The following TSPAN7 variants were observed in gnomAD, a reference collection of about 807,000 sequenced individuals.
TSPAN7 encodes tetraspanin 7.
A neutral mutation model predicts 17.6 loss-of-function variants in TSPAN7; 1 was observed. That is an observed-to-expected ratio of 0.06 (90% CI 0.02 to 0.27). The LOEUF (loss-of-function observed/expected upper bound fraction) is 0.27. TSPAN7 is among the 10% of genes least tolerant of loss of function. The pLI is 1.00. For synonymous variants in TSPAN7, 78 were observed against 79.0 expected, an observed-to-expected ratio of 0.99 and a Z score of 0.07; for missense variants, 112 against 201.7, an observed-to-expected ratio of 0.56 and a Z score of 2.69.
chrX:38,589,075 T>A (rs960233278), intron 1 of TSPAN7, among the ~76,000 whole-genome samples: 3 of 111,879 alleles, frequency 2.7e-5, no homozygotes, highest in African/African-American at 9.8e-5. Flanking sequence ...CAGGTTAGCA[T>A]TAGAAGGATG....
chrX:38,636,560 C>T (rs2069580704), intron 1 of TSPAN7, among the ~76,000 whole-genome samples: 1 of 111,907 alleles, frequency 8.9e-6, no homozygotes, highest in African/African-American at 3.2e-5. Context: ...AAGACAACAC[C>T]AGCAGTAGAG....
At chrX:38,609,209 T>C (rs981180848) in intron 1 of TSPAN7, among the ~76,000 whole-genome samples, 2 of 111,969 alleles carry the variant, frequency 1.8e-5, no homozygotes, top group Non-Finnish European at 3.8e-5. Flanking sequence ...TTAGAGAATT[T>C]AAGTGTTGGT....
intron 6 of TSPAN7, among the ~76,000 whole-genome samples, chrX:38,682,452 G>A (rs746221602): frequency 9.8e-5 from 11 of 112,151 alleles, no homozygotes; most frequent in Admixed American, 3.8e-4. Flanking sequence ...TGTAACCCTC[G>A]CTAAGATTAA....
At chrX:38,670,932 G>T (rs778261738) in intron 2 of TSPAN7, among the ~76,000 whole-genome samples, 2 of 112,294 alleles carry the variant, frequency 1.8e-5, no homozygotes, top group African/African-American at 6.5e-5. Flanking sequence ...GGAATGGGCC[G>T]CAGGGAATTG....
intron 1 of TSPAN7, among the ~76,000 whole-genome samples, chrX:38,654,618 ATACT>A (rs1011311264): frequency 6.2e-5 from 7 of 112,183 alleles, no homozygotes; most frequent in Non-Finnish European, 5.6e-5. Flanking sequence ...TCCAAAGCTC[ATACT>A]TACTTACCTG....
chrX:38,604,098 C>T, intron 1 of TSPAN7, among the ~76,000 whole-genome samples: 1 of 93,689 alleles, frequency 1.1e-5, no homozygotes, highest in African/African-American at 3.9e-5. Context: ...GTTCAATTCC[C>T]ACCTATGAGT....
At chrX:38,684,044 C>G (rs1426670464) in intron 6 of TSPAN7, among the ~76,000 whole-genome samples, 4 of 112,240 alleles carry the variant, frequency 3.6e-5, no homozygotes, top group African/African-American at 9.7e-5. Context: ...CCCACTTTTG[C>G]TCTCCTGCCC....
chrX:38,622,654 C>T lies in TSPAN7; in HGVS notation c.82-43467C>T, dbSNP rs777927792. ...TGCATTAGATCAGAATTGGGTCCTA[C>T]TTGGGAAGGTGGAGAGATTGAGTGC... On this transcript the variant is annotated intron_variant, in intron 1 of 7. Transcript: ENST00000378482. Among the ~76,000 whole-genome samples, 16 of 112,450 alleles carry T rather than the reference C, an allele frequency of 1.4e-4. No homozygotes were observed. In the South Asian group the frequency reaches 1.9e-3, roughly 13 times the overall value.
Position 38,656,105 on chromosome X carries a change from G to C in TSPAN7, c.82-10016G>C, listed in dbSNP as rs1396979998. 1.0e-5 allele frequency: 3 copies of C among 299,733 alleles called. No individual in the cohort carries two copies. The East Asian group carries it at 3.0e-4, about 30-fold the overall frequency. The allele number at this position is 299,733 out of a possible 1,213,427, so 24.7% of individuals were successfully genotyped here. Reference sequence around the variant, plus strand: ...TGTATTTATTGAGCTGATTCTGTTTGATGGATATTAGGACAGAATATTTGA... The same window carrying C: ...TGTATTTATTGAGCTGATTCTGTTTCATGGATATTAGGACAGAATATTTGA... On this transcript the variant is annotated intron_variant, in intron 1 of 7. Transcript: ENST00000378482.
chrX:38,653,598 G>C (rs931067853), intron 1 of TSPAN7, among the ~76,000 whole-genome samples: 2 of 112,287 alleles, frequency 1.8e-5, no homozygotes, highest in Non-Finnish European at 3.8e-5. Flanking sequence ...CCATAGGTTT[G>C]TTCCTGGTGC....
At chrX:38,647,620 G>A (rs779054734) in intron 1 of TSPAN7, among the ~76,000 whole-genome samples, 5 of 112,256 alleles carry the variant, frequency 4.5e-5, no homozygotes, top group African/African-American at 9.7e-5. Context: ...GGACAAGATG[G>A]ACATTTGTGA....
intron 1 of TSPAN7, among the ~76,000 whole-genome samples, chrX:38,645,882 A>G (rs1048930859): frequency 3.6e-5 from 4 of 109,995 alleles, no homozygotes; most frequent in African/African-American, 1.3e-4. Flanking sequence ...TTTGTTTGAC[A>G]TTTCCTGTTT....
intron 1 of TSPAN7, among the ~76,000 whole-genome samples, chrX:38,572,457 A>G (rs917566989): frequency 1.8e-5 from 2 of 111,770 alleles, no homozygotes; most frequent in African/African-American, 3.3e-5. Context: ...GCTGGTGGTT[A>G]CTAGTTACCA....
chrX:38,623,434 G>C (rs904304828), intron 1 of TSPAN7, among the ~76,000 whole-genome samples: 2 of 109,443 alleles, frequency 1.8e-5, no homozygotes, highest in Admixed American at 1.9e-4. Context: ...ACCTTCTCTT[G>C]GCTATCCTTC....
At chrX:38,586,063 A>C (rs1423993605) in intron 1 of TSPAN7, among the ~76,000 whole-genome samples, 4 of 112,613 alleles carry the variant, frequency 3.6e-5, no homozygotes, top group African/African-American at 1.3e-4. Context: ...GTTCTGACTG[A>C]TCTTGTTTCT....
chrX:38,647,589 A>G (rs1281104881), intron 1 of TSPAN7, among the ~76,000 whole-genome samples: 2 of 112,290 alleles, frequency 1.8e-5, no homozygotes, highest in Non-Finnish European at 1.9e-5. Context: ...CCTAACCTCA[A>G]TTGTTTGCAT....
At chrX:38,608,395 C>G (rs779554668) in intron 1 of TSPAN7, 19 of 110,162 alleles carry the variant, frequency 1.7e-4, no homozygotes, top group Non-Finnish European at 2.7e-4. Flanking sequence ...ACTGCTGACT[C>G]CAATCCAATA....
intron 1 of TSPAN7, among the ~76,000 whole-genome samples, chrX:38,598,748 A>G (rs2069331324): frequency 9.0e-6 from 1 of 111,317 alleles, no homozygotes; most frequent in Non-Finnish European, 1.9e-5. Context: ...CACCAGTTCT[A>G]ATATCACTAA....
chrX:38,681,032 C>A (rs2069887333), intron 5 of TSPAN7, among the ~76,000 whole-genome samples, 172 bp from the exon 6 acceptor site: 1 of 111,900 alleles, frequency 8.9e-6, no homozygotes, highest in African/African-American at 3.2e-5. Context: ...ATGTTTGAAA[C>A]CTTTTCTTAT....
Sources: allele counts gnomAD v4.1 joint callset (sites outside exome capture counted in the v4.1 genomes callset), GRCh38; gene constraint gnomAD v4.1.1; transcripts MANE v1.5; gene names NCBI Gene and HGNC (gene_info 2026-07-23, HGNC 2026-07-21).